The following CCDC40 variants were observed in gnomAD, a reference collection of about 807,000 sequenced individuals.
CCDC40 encodes coiled-coil domain 40 molecular ruler complex subunit.
A neutral mutation model predicts 124.5 loss-of-function variants in CCDC40; 104 were observed. That is an observed-to-expected ratio of 0.84 (90% CI 0.71 to 0.98). CCDC40 has a LOEUF of 0.98. Among genes scored for constraint, CCDC40 ranks in the 50% least tolerant of loss-of-function variants. The pLI is 0.00. For synonymous variants in CCDC40, 580 were observed against 602.9 expected (o/e 0.96, Z 0.56); for missense variants, 1,463 against 1,503.9 (o/e 0.97, Z 0.45).
intron 10 of CCDC40, among the ~76,000 whole-genome samples, chr17:80,073,695 T>G (rs2038246262): frequency 6.6e-6 from 1 of 152,064 alleles, no homozygotes; most frequent in Admixed American, 6.6e-5. Flanking sequence ...GCCTCTCACT[T>G]TATTTTTATT....
In CCDC40 at chr17:80,086,132, CAGGAGCAGG is replaced by C. The variant is rs754531558; in HGVS notation, c.2374_2382del (p.Glu792_Gln794del). On this transcript the variant is annotated inframe_deletion, in exon 14 of 20. Coordinates refer to ENST00000397545, the MANE Select transcript of CCDC40 (RefSeq NM_017950.4). The surrounding 1 kb of genome is among the most constrained non-coding windows in gnomAD (Gnocchi z 5.5). ...GCAGCAGGAGATGGTCAAGGTGACACAGGAGCAGGAGGAGCAGCTGGCCTCCCTGGACGC... is the reference window on the plus strand; with the variant it reads ...GCAGCAGGAGATGGTCAAGGTGACACAGGAGCAGCTGGCCTCCCTGGACGC... The C allele has an allele frequency of 6.2e-7, 1 of 1,614,102 alleles. No individual in the cohort carries two copies. The highest frequency in any genetic ancestry group is 8.5e-7 in the Non-Finnish European group (1 of 1,180,018).
chr17:80,056,358 G>T (rs923592687), intron 7 of CCDC40, among the ~76,000 whole-genome samples: 11 of 152,096 alleles, frequency 7.2e-5, no homozygotes, highest in African/African-American at 2.7e-4. Context: ...GGAGGCTCAC[G>T]CCTGTAGTGT....
rs774369287 is a variant in CCDC40, at chr17:80,050,237, T to G, written c.1113T>G (p.Ala371=). ...AGGAGGAGCTGCAGGCCGCCCGCGCTCTCTACACCAAGACCTGCGCAGCCG... is the reference window on the plus strand; with the variant it reads ...AGGAGGAGCTGCAGGCCGCCCGCGCGCTCTACACCAAGACCTGCGCAGCCG... ...QKEEELQAAR[A]LYTKTCAAAN... is the part of the protein sequence containing the mutation. Residue 371 remains alanine, a synonymous_variant, in exon 7 of 20, where the codon GCT becomes GCG. Coordinates refer to ENST00000397545, the MANE Select transcript of CCDC40 (RefSeq NM_017950.4). 48 of 1,595,700 alleles carry G rather than the reference T, an allele frequency of 3.0e-5. No homozygotes were observed. Among genetic ancestry groups the G allele is most frequent in the Non-Finnish European group, 4.0e-5 (47 of 1,173,036 alleles).
Position 80,087,501 on chromosome 17 carries a change from C to A in CCDC40, c.2450-106C>A. The A allele has an allele frequency of 1.2e-6, 1 of 826,770 alleles. No individual in the cohort carries two copies. Among genetic ancestry groups the A allele is most frequent in the Non-Finnish European group, 2.1e-6 (1 of 484,600 alleles). 51.2% of individuals were successfully genotyped at this position (826,770 alleles called of 1,614,324 possible). ...GACAAGAGGGAGGGGATGAAGGGAG[C>A]TACAGGGAGAGACAAAACCTGGCTC... On this transcript the variant is annotated intron_variant, in intron 14 of 19. Transcript: ENST00000397545. This position sits in a 1 kb window ranked among gnomAD's most constrained non-coding sequence, Gnocchi z 4.5.
chr17:80,058,514 A>T lies in CCDC40; in HGVS notation c.1180A>T (p.Met394Leu), dbSNP rs375423897. The change falls in exon 8 of 20, where the codon ATG becomes TTG. Residue 394 changes from methionine (M) to leucine (L), a missense_variant. Physicochemically the swap from Met to Leu is conservative, Grantham distance 15. Transcript: ENST00000397545. This position sits in a 1 kb window ranked among gnomAD's most constrained non-coding sequence, Gnocchi z 4.2. ...RKKLAALQTE[M>L]ENLALHLFYM... ...CGCAGTGGCGGCTCTGCAGACTGAG[A>T]TGGAGAACTTGGCCCTGCATCTCTT... 1.2e-6 allele frequency: 2 copies of T among 1,613,974 alleles called. No individual in the cohort carries two copies. The highest frequency in any genetic ancestry group is 1.7e-6 in the Non-Finnish European group (2 of 1,180,008).
At chr17:80,045,877 C>T (rs2037408523) in intron 3 of CCDC40, among the ~76,000 whole-genome samples, 1 of 151,914 alleles carries the variant, frequency 6.6e-6, no homozygotes. Flanking sequence ...GGACAGCTGC[C>T]AGCAACTGCC....
At chr17:80,075,860 G>A (rs1568700651) in intron 10 of CCDC40, among the ~76,000 whole-genome samples, 2 of 152,132 alleles carry the variant, frequency 1.3e-5, no homozygotes, top group South Asian at 2.1e-4. Context: ...TGATTGTAAC[G>A]CCTGTGGATG....
At chr17:80,040,374 C>A (rs2037246391) in intron 3 of CCDC40, 104 bp downstream of exon 3, 2 of 1,134,998 alleles carry the variant, frequency 1.8e-6, no homozygotes, top group South Asian at 1.4e-5. Context: ...AAATTGCAAT[C>A]CCTGTTAGAA....
intron 9 of CCDC40, among the ~76,000 whole-genome samples, chr17:80,063,385 G>T (rs2037953799): frequency 6.6e-6 from 1 of 152,132 alleles, no homozygotes; most frequent in Non-Finnish European, 1.5e-5. Context: ...AAAAACTGGG[G>T]TCTAAATGCA....
rs765836998 is a variant in CCDC40, at chr17:80,040,042, T to C, written c.324T>C (p.Ser108=). The change falls in exon 3 of 20, where the codon AGT becomes AGC. Residue 108 remains serine, a synonymous_variant. Transcript: ENST00000397545. ...CTTCATCCCCGGAAGGGCAAATCAG[T>C]GCTGCAGATACGACTTACCCGTATT... ...TETSSPEGQI[S]AADTTYPYFS... The C allele has an allele frequency of 1.2e-6, 2 of 1,614,000 alleles. No homozygotes were observed. The highest frequency in any genetic ancestry group is 1.6e-4 in the Middle Eastern group (1 of 6,062).
intron 5 of CCDC40, 50 bp from the exon 6 acceptor site, chr17:80,049,856 G>A: frequency 6.5e-7 from 1 of 1,541,962 alleles, no homozygotes; most frequent in Non-Finnish European, 9.0e-7. Flanking sequence ...CCTGGGTCGG[G>A]CAGGAGGGTA....
chr17:80,063,418 A>G (rs2037954480), intron 9 of CCDC40, among the ~76,000 whole-genome samples: 1 of 152,174 alleles, frequency 6.6e-6, no homozygotes. Context: ...CCCGGCAGCC[A>G]TCTTTCCATC....
At chr17:80,052,431 G>A (rs1464149600) in intron 7 of CCDC40, among the ~76,000 whole-genome samples, 1 of 152,120 alleles carries the variant, frequency 6.6e-6, no homozygotes, top group East Asian at 1.9e-4. Context: ...CTGATGAGAT[G>A]GTGCCCACCC....
At chr17:80,059,150 T>C (rs1274863199) in intron 9 of CCDC40, among the ~76,000 whole-genome samples, 170 bp downstream of exon 9, 3 of 152,166 alleles carry the variant, frequency 2.0e-5, no homozygotes, top group African/African-American at 4.8e-5. Flanking sequence ...CAGTAGATAC[T>C]GACAGGTGGA....
intron 9 of CCDC40, among the ~76,000 whole-genome samples, chr17:80,061,642 T>C (rs2037899543): frequency 6.6e-6 from 1 of 152,214 alleles, no homozygotes; most frequent in South Asian, 2.1e-4. Context: ...CCTTCATTTC[T>C]CATTTCCAGT....
chr17:80,085,945 C>T, intron 13 of CCDC40, 58 bp from the exon 14 acceptor site: 2 of 1,492,576 alleles, frequency 1.3e-6, no homozygotes, highest in Non-Finnish European at 1.9e-6. Flanking sequence ...GCTGGAATTA[C>T]AGGCGTGAGT....
intron 9 of CCDC40, among the ~76,000 whole-genome samples, chr17:80,064,560 C>T (rs1173806576): frequency 6.6e-6 from 1 of 152,116 alleles, no homozygotes; most frequent in Non-Finnish European, 1.5e-5. Flanking sequence ...GACACTGAGG[C>T]ACAGCGGGTG....
At chr17:80,074,643 G>C (rs549335394) in intron 10 of CCDC40, among the ~76,000 whole-genome samples, 1 of 152,270 alleles carries the variant, frequency 6.6e-6, no homozygotes, top group African/African-American at 2.4e-5. Flanking sequence ...GAAAGAAAAT[G>C]TACCTGGTCA....
At chr17:80,095,214 C>G (rs759044626) in intron 17 of CCDC40, 49 bp from the exon 18 acceptor site, 2 of 1,578,872 alleles carry the variant, frequency 1.3e-6, no homozygotes, top group African/African-American at 1.3e-5. Flanking sequence ...CTCTCTGCAG[C>G]TGCAGCTCAG....
Sources: gnomAD v4.1 joint callset for allele counts (sites outside exome capture counted in the v4.1 genomes callset) on GRCh38, gnomAD v4.1.1 for gene constraint, Gnocchi (gnomAD v3.1) non-coding constraint, MANE v1.5 for transcripts, NCBI Gene and HGNC (gene_info 2026-07-23, HGNC 2026-07-21) for gene names.